Variants in CHAF1A observed in about 807,000 individuals in gnomAD.
CHAF1A encodes CAF-1 subunit A.
In CHAF1A, 5 loss-of-function variants were observed where a neutral mutation model predicts 93.2. That is an observed-to-expected ratio of 0.05 (90% CI 0.03 to 0.11). CHAF1A has a LOEUF of 0.11. CHAF1A is among the 10% of genes least tolerant of loss of function. CHAF1A has a pLI of 1.00. For missense variants in CHAF1A, 1,102 were observed against 1,259.9 expected, an observed-to-expected ratio of 0.87 and a Z score of 1.90; for synonymous variants, 504 against 510.3, an observed-to-expected ratio of 0.99 and a Z score of 0.17.
At chr19:4,430,239 G>A (rs775628379) in intron 10 of CHAF1A, 26 of 355,524 alleles carry the variant, frequency 7.3e-5, no homozygotes, top group African/African-American at 1.7e-4. Flanking sequence ...GTGCAGTGGC[G>A]CGATTTCGGC....
downstream of CHAF1A, chr19:4,447,021 C>G: frequency 8.5e-7 from 1 of 1,183,276 alleles, no homozygotes; most frequent in Non-Finnish European, 1.2e-6. Flanking sequence ...TTGGGAGCAG[C>G]TGTCGACCCC....
downstream of CHAF1A, chr19:4,447,819 C>G: frequency 1.7e-6 from 1 of 603,662 alleles, no homozygotes; most frequent in South Asian, 1.8e-5. Flanking sequence ...GGAGCCCACC[C>G]CTGGTGCCAG....
chr19:4,408,195 T>C (rs561397990), intron 2 of CHAF1A, among the ~76,000 whole-genome samples: 1 of 149,812 alleles, frequency 6.7e-6, no homozygotes, highest in South Asian at 2.1e-4. Flanking sequence ...GCCCCGTCTT[T>C]TTTTTTTTTT....
At position 4,423,891 on chromosome 19, in the gene CHAF1A, C is replaced by G. The variant is rs201014521; in HGVS notation, c.1377+17C>G. On this transcript the variant is annotated intron_variant, in intron 7 of 14. Transcript: ENST00000301280. ...GCCCCCAAGGTGAGCAGCCGGCTGC[C>G]TTTGCTTTTGGGTTTCAGCTCTGCT... 18 of 1,612,986 alleles carry G rather than the reference C, an allele frequency of 1.1e-5. No homozygotes were observed. The South Asian group carries it at 2.0e-4, about 18-fold the overall frequency.
chr19:4,443,095 T>C lies in CHAF1A; in HGVS notation c.*70T>C. On this transcript the variant is annotated 3_prime_UTR_variant, in exon 15 of 15. Coordinates refer to ENST00000301280, the MANE Select transcript of CHAF1A (RefSeq NM_005483.3). ...AGAGCAGATACTTGAACCGACTCAA[T>C]TCCTGTGTAAAGAGCACTTTGTCCT... The C allele has an allele frequency of 9.8e-7, 1 of 1,021,302 alleles. No homozygotes were observed. Among genetic ancestry groups the C allele is most frequent in the Non-Finnish European group, 1.5e-6 (1 of 662,188 alleles). The allele number at this position is 1,021,302 out of a possible 1,614,324, so 63.3% of individuals were successfully genotyped here.
intron 13 of CHAF1A, among the ~76,000 whole-genome samples, chr19:4,441,617 AAAAT>A (rs1445872458): frequency 6.7e-6 from 1 of 149,234 alleles, no homozygotes. Flanking sequence ...TCAAAAATAA[AAAAT>A]AAAGGCCAGG....
At chr19:4,444,070 CCT>C (rs1273962114), downstream of CHAF1A, among the ~76,000 whole-genome samples, 2 of 152,326 alleles carry the variant, frequency 1.3e-5, no homozygotes, top group Non-Finnish European at 2.9e-5. Flanking sequence ...AGAGGCTGCC[CCT>C]GTGCCACACC....
chr19:4,403,965 C>T (rs1241918606), intron 1 of CHAF1A, among the ~76,000 whole-genome samples: 1 of 151,970 alleles, frequency 6.6e-6, no homozygotes, highest in Admixed American at 6.6e-5. Context: ...GATTACAGGC[C>T]TGCACCACCA....
chr19:4,423,286 C>T, intron 5 of CHAF1A, 49 bp from the exon 6 acceptor site: 2 of 1,613,136 alleles, frequency 1.2e-6, no homozygotes, highest in Non-Finnish European at 8.5e-7. Flanking sequence ...GCGGTCCCTT[C>T]CAGAGCCAAA....
chr19:4,448,410 G>T (rs1443477952), downstream of CHAF1A: 3 of 1,605,770 alleles, frequency 1.9e-6, no homozygotes, highest in Non-Finnish European at 2.5e-6. Context: ...GGTCGGTGGA[G>T]AAGTGCTGGG....
chr19:4,402,648 AGCGCGGCGGCCGCGGCGGCAGCAGCG>A lies in CHAF1A; in HGVS notation c.-108_-83del. 1 of 509,964 alleles carries A rather than the reference AGCGCGGCGGCCGCGGCGGCAGCAGCG, an allele frequency of 2.0e-6. No individual in the cohort carries two copies. Among genetic ancestry groups the A allele is most frequent in the Non-Finnish European group, 2.8e-6 (1 of 354,720 alleles). The allele number at this position is 509,964 out of a possible 1,614,324, so 31.6% of individuals were successfully genotyped here. A position where few individuals can be genotyped will look rare whatever the true frequency, so the allele number is the denominator to read the frequency against. On this transcript the variant is annotated 5_prime_UTR_variant, in exon 1 of 15. Transcript: ENST00000301280. ...GTCGCCGCGGTTCCCGCCAAATACGAGCGCGGCGGCCGCGGCGGCAGCAGCGGCGCGGGCGGGAGGGCGAAGAGCAG... is the reference window on the plus strand; with the variant it reads ...GTCGCCGCGGTTCCCGCCAAATACGAGCGCGGGCGGGAGGGCGAAGAGCAG...
At position 4,443,131 on chromosome 19, in the gene CHAF1A, C is replaced by A; in HGVS notation, c.*106C>A. 2.6e-6 allele frequency: 2 copies of A among 780,984 alleles called. No individual in the cohort carries two copies. Among genetic ancestry groups the A allele is most frequent in the Non-Finnish European group, 2.2e-6 (1 of 444,498 alleles). 48.4% of individuals were successfully genotyped at this position (780,984 alleles called of 1,614,324 possible). On this transcript the variant is annotated 3_prime_UTR_variant, in exon 15 of 15. Transcript: ENST00000301280. ...AGAGCACTTTGTCCTGCTTCACGGA[C>A]CTCCCCAAAGTGTGCAGAGTTCTAT...
downstream of CHAF1A, chr19:4,445,940 GC>G: frequency 6.8e-7 from 1 of 1,480,940 alleles, no homozygotes; most frequent in Non-Finnish European, 9.0e-7. Flanking sequence ...ACCTGCCCAG[GC>G]CCCCTGCTCT....
chr19:4,404,086 G>A (rs955507177), intron 1 of CHAF1A, among the ~76,000 whole-genome samples: 1 of 151,976 alleles, frequency 6.6e-6, no homozygotes, highest in Non-Finnish European at 1.5e-5. Flanking sequence ...CTCCCAAAAT[G>A]CTGGGATTAC....
chr19:4,446,005 GCAGAGGCATCGGGT>G, downstream of CHAF1A: 1 of 1,562,620 alleles, frequency 6.4e-7, no homozygotes, highest in East Asian at 2.3e-5. Flanking sequence ...AGGAGAACCT[GCAGAGGCATCGGGT>G]CAGCGGTGCT....
chr19:4,448,352 C>T (rs754760001), downstream of CHAF1A: 1 of 1,610,442 alleles, frequency 6.2e-7, no homozygotes, highest in East Asian at 2.2e-5. Flanking sequence ...TTCACCCGGT[C>T]CTGGTCTTTG....
At chr19:4,446,077 T>C (rs773705654), downstream of CHAF1A, 3 of 1,612,668 alleles carry the variant, frequency 1.9e-6, no homozygotes, top group East Asian at 2.2e-5. Flanking sequence ...GGCCAGGTTC[T>C]CGTCCTCGGA....
At chr19:4,414,284 C>G (rs983480564) in intron 3 of CHAF1A, among the ~76,000 whole-genome samples, 1 of 151,756 alleles carries the variant, frequency 6.6e-6, no homozygotes, top group Non-Finnish European at 1.5e-5. Flanking sequence ...ACCTGTAGTC[C>G]CAGCTCCTTG....
chr19:4,429,305 C>A, intron 8 of CHAF1A, 133 bp from the exon 9 acceptor site: 1 of 1,006,506 alleles, frequency 9.9e-7, no homozygotes, highest in Non-Finnish European at 1.5e-6. Flanking sequence ...TCTTTGGGGA[C>A]AGGCAGTGCT....
Sources: gnomAD v4.1 joint callset for allele counts (sites outside exome capture counted in the v4.1 genomes callset) on GRCh38, gnomAD v4.1.1 for gene constraint, MANE v1.5 for transcripts, NCBI Gene and HGNC (gene_info 2026-07-23, HGNC 2026-07-21) for gene names.